Variants in ZBED6 observed in about 807,000 individuals in gnomAD.
The protein encoded by ZBED6 is zinc finger BED-type containing 6, also known as zinc finger BED domain-containing protein 6.
Under a neutral mutation model 58.4 loss-of-function variants are expected in ZBED6, and 40 were observed. That is an observed-to-expected ratio of 0.68 (90% CI 0.53 to 0.89). The LOEUF (loss-of-function observed/expected upper bound fraction) is 0.89, where lower values mean the gene tolerates loss of function less well. Among genes scored for constraint, ZBED6 ranks in the 40% least tolerant of loss-of-function variants. The pLI, the probability that ZBED6 is intolerant of heterozygous loss-of-function variation, is 0.00. For synonymous variants in ZBED6, 439 were observed against 350.6 expected, an observed-to-expected ratio of 1.25 and a Z score of -2.82; for missense variants, 1,057 against 1,003.9, an observed-to-expected ratio of 1.05 and a Z score of -0.71.
exon 12 of ZBED6, chr1:203,847,444 A>G (rs754613186): frequency 6.2e-7 from 1 of 1,614,008 alleles, no homozygotes; most frequent in Non-Finnish European, 8.5e-7. Context: ...CATCAAGCTA[A>G]AGATTGATAG....
chr1:203,797,667 G>A, exon 1 of ZBED6: 1 of 1,536,012 alleles, frequency 6.5e-7, no homozygotes, highest in Non-Finnish European at 8.7e-7. Context: ...AAAGATGGTA[G>A]CAGAAGGAGT....
At position 203,799,984 on chromosome 1, in the gene ZBED6, C is replaced by T. The variant is rs867389495; in HGVS notation, c.2462C>T (p.Ser821Leu). 6.5e-6 allele frequency: 10 copies of T among 1,536,128 alleles called. No individual in the cohort carries two copies. The African/African-American group carries it at 8.2e-5, about 13-fold the overall frequency. ...CCAACTTCAGAAGCTTCTTGTCCCT[C>T]AGTTACAGTGGGAGCTGATTCATTT... is the stretch of plus-strand genomic sequence containing the variant. Residue 821 changes from serine (S) to leucine (L), a missense_variant, in exon 1 of 17, where the codon TCA becomes TTA. Ser to Leu is a moderately radical substitution (Grantham distance 145). Transcript: ENST00000550078.
chr1:203,841,585 C>A (rs1269139472), intron 11 of ZBED6, among the ~76,000 whole-genome samples: 1 of 152,254 alleles, frequency 6.6e-6, no homozygotes, highest in East Asian at 1.9e-4. Context: ...AATCTGATCT[C>A]TCTTTCTTTT....
At position 203,830,219 on chromosome 1, in the gene ZBED6, T is replaced by G; in HGVS notation, c.*3399+16T>G. ...AAGCAAGGTGGTAAGTCATCACGTT[T>G]TGGCATGGATAGTTGTATGTTGCTA... On this transcript the variant is annotated intron_variant, in intron 7 of 16. Coordinates refer to ENST00000550078, the Ensembl canonical transcript of ZBED6. 1 of 1,574,270 alleles carries G rather than the reference T, an allele frequency of 6.4e-7. No homozygotes were observed. The highest frequency in any genetic ancestry group is 8.6e-7 in the Non-Finnish European group (1 of 1,159,856).
At chr1:203,804,261 C>T (rs1245997089) in intron 1 of ZBED6, among the ~76,000 whole-genome samples, 4 of 151,340 alleles carry the variant, frequency 2.6e-5, no homozygotes, top group Non-Finnish European at 4.4e-5. Context: ...ACGCCATTCT[C>T]CTGCCTCAGC....
At chr1:203,796,472 G>T in exon 1 of ZBED6, 1 of 399,022 alleles carries the variant, frequency 2.5e-6, no homozygotes, top group South Asian at 1.3e-4. Context: ...CCGTAATGAA[G>T]AACACCCCTA....
intron 13 of ZBED6, 117 bp downstream of exon 13, chr1:203,848,524 TC>T (rs775937144): frequency 1.4e-5 from 10 of 696,000 alleles, no homozygotes; most frequent in Non-Finnish European, 1.9e-5. Flanking sequence ...AAACAGTCTT[TC>T]TTTTTACTTA....
chr1:203,817,529 A>C (rs1324840391), intron 2 of ZBED6, among the ~76,000 whole-genome samples: 1 of 145,288 alleles, frequency 6.9e-6, no homozygotes, highest in Non-Finnish European at 1.5e-5. Flanking sequence ...GTTGAATTTG[A>C]CTTCTTTCTT....
chr1:203,823,129 C>T (rs1679334719), intron 3 of ZBED6, among the ~76,000 whole-genome samples: 1 of 152,144 alleles, frequency 6.6e-6, no homozygotes, highest in African/African-American at 2.4e-5. Context: ...TGGCACAGCT[C>T]CTATGGAGGG....
chr1:203,807,032 A>T (rs1672643020), intron 1 of ZBED6, among the ~76,000 whole-genome samples: 1 of 151,570 alleles, frequency 6.6e-6, no homozygotes, highest in Non-Finnish European at 1.5e-5. Flanking sequence ...CTTTTTGATT[A>T]TGTAGTGTTA....
At chr1:203,807,333 T>C (rs547329757) in intron 1 of ZBED6, among the ~76,000 whole-genome samples, 1 of 152,332 alleles carries the variant, frequency 6.6e-6, no homozygotes, top group East Asian at 1.9e-4. Flanking sequence ...TTGCCCAGGT[T>C]GGAATACAGT....
rs1031409399 is a variant in ZBED6 at position 203,850,389 on chromosome 1, C to G, written c.*4639-126C>G. On this transcript the variant is annotated intron_variant, in intron 14 of 16. Coordinates refer to ENST00000550078, the Ensembl canonical transcript of ZBED6. Reference sequence around the variant, plus strand: ...AAATTGCCTTTGAATCGTTTTCAGTCTCTTTTTAAATGAATTATTTGTGGT... The same window carrying G: ...AAATTGCCTTTGAATCGTTTTCAGTGTCTTTTTAAATGAATTATTTGTGGT... 1.3e-5 allele frequency: 19 copies of G among 1,422,440 alleles called. No individual in the cohort carries two copies. In the African/African-American group the frequency reaches 2.3e-4, roughly 17 times the overall value. 88.1% of individuals were successfully genotyped at this position (1,422,440 alleles called of 1,614,324 possible).
intron 1 of ZBED6, among the ~76,000 whole-genome samples, chr1:203,811,971 A>G (rs1157020313): frequency 6.6e-6 from 1 of 151,648 alleles, no homozygotes; most frequent in East Asian, 1.9e-4. Flanking sequence ...GTGTGCCACC[A>G]TGCTTGGCTA....
exon 1 of ZBED6, chr1:203,800,658 G>A (rs1010023793): frequency 3.1e-5 from 14 of 448,778 alleles, no homozygotes; most frequent in Non-Finnish European, 4.9e-5. Context: ...TAACTGTGGC[G>A]CTAGCACTTG....
At chr1:203,810,408 C>T (rs12561992) in intron 1 of ZBED6, among the ~76,000 whole-genome samples, 6,973 of 149,472 alleles carry the variant, frequency 0.047, 591 homozygotes, top group East Asian at 0.4. Flanking sequence ...TCTTGTTTTA[C>T]ATTGTAGCTG....
At chr1:203,829,418 G>T in intron 4 of ZBED6, 33 bp from the exon 5 acceptor site, 1 of 1,612,832 alleles carries the variant, frequency 6.2e-7, no homozygotes, top group Non-Finnish European at 8.5e-7. Context: ...TGTATCTTCT[G>T]TTTTTAATTT....
chr1:203,834,191 T>C (rs1683429817), intron 9 of ZBED6: 5 of 558,276 alleles, frequency 9.0e-6, no homozygotes, highest in Non-Finnish European at 1.2e-5. Flanking sequence ...GTGTGTCTCT[T>C]AGAATACAGG....
intron 10 of ZBED6, 44 bp from the exon 11 acceptor site, chr1:203,840,262 G>C: frequency 6.3e-7 from 1 of 1,592,132 alleles, no homozygotes; most frequent in South Asian, 1.1e-5. Context: ...GCTGTAAAAA[G>C]TTTCTGTTCA....
At chr1:203,838,086 T>TTG (rs1440779917) in intron 10 of ZBED6, 22 bp downstream of exon 10, 1 of 1,604,272 alleles carries the variant, frequency 6.2e-7, no homozygotes, top group Non-Finnish European at 8.5e-7. Context: ...CTTACATACT[T>TTG]TGTGTGTGTA....
Sources: allele counts gnomAD v4.1 joint callset (sites outside exome capture counted in the v4.1 genomes callset), GRCh38; gene constraint gnomAD v4.1.1; transcripts MANE v1.5; gene names NCBI Gene and HGNC (gene_info 2026-07-23, HGNC 2026-07-21).